The following LAMA2 variants were observed in gnomAD, a reference collection of about 807,000 sequenced individuals.
LAMA2 encodes the protein laminin subunit alpha-2.
In LAMA2, 269 loss-of-function variants were observed where a neutral mutation model predicts 364.8. The observed-to-expected ratio is 0.74, with a 90% CI of 0.67 to 0.82. LAMA2 has a LOEUF of 0.82. LAMA2 is among the 40% of genes least tolerant of loss of function. The pLI, the probability that LAMA2 is intolerant of heterozygous loss-of-function variation, is 0.00. For missense variants in LAMA2, 3,807 were observed against 3,873.2 expected (o/e 0.98, Z 0.45); for synonymous variants, 1,379 against 1,370.6 (o/e 1.01, Z -0.14).
intron 27 of LAMA2, among the ~76,000 whole-genome samples, chr6:129,320,237 G>A (rs1041945102): frequency 9.9e-5 from 15 of 152,080 alleles, no homozygotes; most frequent in East Asian, 9.6e-4. Flanking sequence ...CTTCATCCTC[G>A]TTGTCTTCAT....
At chr6:128,929,738 C>A in intron 1 of LAMA2, 1 of 1,248,122 alleles carries the variant, frequency 8.0e-7, no homozygotes, top group Non-Finnish European at 1.2e-6. Flanking sequence ...AATTCTTGTA[C>A]CAATCGTAGC....
Position 129,401,232 on chromosome 6 carries a change from G to T in LAMA2, c.5454G>T (p.Lys1818Asn). Residue 1818 changes from lysine (K) to asparagine (N), a missense_variant, in exon 38 of 65, where the codon AAG becomes AAT. Lys to Asn is a moderately conservative substitution (Grantham distance 94). Transcript: ENST00000421865. ...QKNMTALEKK[K>N]EAVESGKRQI... Reference sequence around the variant, plus strand: ...TTCATAATGGTCTACAGAAAAAGAAGGAGGCTGTTGAAAGCGGCAAACGAC... The same window carrying T: ...TTCATAATGGTCTACAGAAAAAGAATGAGGCTGTTGAAAGCGGCAAACGAC... 1 of 1,588,648 alleles carries T rather than the reference G, an allele frequency of 6.3e-7. No individual in the cohort carries two copies. The highest frequency in any genetic ancestry group is 8.6e-7 in the Non-Finnish European group (1 of 1,157,392).
intron 1 of LAMA2, among the ~76,000 whole-genome samples, chr6:128,908,191 A>G (rs1403185328): frequency 6.7e-6 from 1 of 148,822 alleles, no homozygotes; most frequent in Admixed American, 6.7e-5. Context: ...TATTGATTGG[A>G]ATAGTTTCAG....
intron 1 of LAMA2, among the ~76,000 whole-genome samples, chr6:128,975,926 T>G (rs1782502221): frequency 1.3e-5 from 2 of 149,190 alleles, no homozygotes; most frequent in Admixed American, 6.7e-5. Context: ...TGGGGAGAGG[T>G]AAAGTTGAAA....
At chr6:129,431,325 G>A (rs1781580486) in intron 41 of LAMA2, among the ~76,000 whole-genome samples, 1 of 151,496 alleles carries the variant, frequency 6.6e-6, no homozygotes, top group African/African-American at 2.4e-5. Context: ...CTGGAACCCA[G>A]GATACGGAGG....
intron 18 of LAMA2, among the ~76,000 whole-genome samples, chr6:129,286,997 G>GA (rs1434714988): frequency 1.1e-5 from 1 of 93,610 alleles, no homozygotes; most frequent in Non-Finnish European, 2.0e-5. Context: ...GGAAGGAAGG[G>GA]AGGAAAGAGG....
intron 41 of LAMA2, 136 bp from the exon 42 acceptor site, chr6:129,438,510 A>G: frequency 1.7e-6 from 1 of 576,838 alleles, no homozygotes; most frequent in Non-Finnish European, 3.1e-6. Context: ...ATATTTATGT[A>G]TAGATGCCAA....
chr6:129,195,574 T>C (rs1326909162), intron 12 of LAMA2, among the ~76,000 whole-genome samples: 2 of 152,166 alleles, frequency 1.3e-5, no homozygotes, highest in Admixed American at 6.5e-5. Flanking sequence ...TCCAATTTTT[T>C]CCCCTATGTA....
chr6:129,329,699 C>T (rs1775516029), intron 29 of LAMA2, among the ~76,000 whole-genome samples: 1 of 152,140 alleles, frequency 6.6e-6, no homozygotes, highest in Non-Finnish European at 1.5e-5. Context: ...CTTCATTCCC[C>T]TGAGTCTGAA....
At chr6:129,480,956 A>AAAC (rs199971979) in intron 54 of LAMA2, among the ~76,000 whole-genome samples, 1 of 130,328 alleles carries the variant, frequency 7.7e-6, no homozygotes, top group Non-Finnish European at 1.6e-5. Context: ...TCTTTGGTTT[A>AAAC]AACAACAACA....
intron 1 of LAMA2, among the ~76,000 whole-genome samples, chr6:128,926,058 G>C (rs981417494): frequency 6.6e-6 from 1 of 152,108 alleles, no homozygotes; most frequent in Non-Finnish European, 1.5e-5. Context: ...TGTTTCACCA[G>C]ATCTAGGATT....
chr6:128,964,730 T>A (rs928445258), intron 1 of LAMA2, among the ~76,000 whole-genome samples: 1 of 152,064 alleles, frequency 6.6e-6, no homozygotes, highest in Non-Finnish European at 1.5e-5. Flanking sequence ...ATCAAAGTCA[T>A]CTTTATTTAA....
intron 48 of LAMA2, among the ~76,000 whole-genome samples, chr6:129,458,434 C>A (rs1783079865): frequency 6.6e-6 from 1 of 151,982 alleles, no homozygotes; most frequent in African/African-American, 2.4e-5. Context: ...AATTTCAAGA[C>A]TACTGCCACA....
rs767013359 is a variant in LAMA2, at chr6:129,205,493, TACACACACACACACACACACAC to T, written c.1782+12659_1782+12680del. On this transcript the variant is annotated intron_variant, in intron 12 of 64. Transcript: ENST00000421865. ...TATTCTGTAAGTATATATATATATA[TACACACACACACACACACACAC>T]ACACACACACACACACACGTGTGTG... Among the ~76,000 whole-genome samples, 268 of 104,268 alleles carry T rather than the reference TACACACACACACACACACACAC, an allele frequency of 2.6e-3. 5 individuals are homozygous for T. Among genetic ancestry groups the T allele is most frequent in the African/African-American group, 7.0e-3 (127 of 18,214 alleles). The allele number at this position is 104,268 out of a possible 152,430, so 68.4% of individuals were successfully genotyped here. A position where few individuals can be genotyped will look rare whatever the true frequency, so the allele number is the denominator to read the frequency against.
intron 2 of LAMA2, among the ~76,000 whole-genome samples, chr6:129,052,717 A>G (rs868347200): frequency 4.0e-5 from 6 of 151,894 alleles, no homozygotes; most frequent in African/African-American, 1.2e-4. Context: ...ATAATGATAT[A>G]TATCTACCAT....
intron 16 of LAMA2, among the ~76,000 whole-genome samples, chr6:129,269,976 C>CA (rs1326193605): frequency 6.6e-6 from 1 of 151,956 alleles, no homozygotes; most frequent in Non-Finnish European, 1.5e-5. Context: ...AATACATATC[C>CA]ACATTTAGTT....
At chr6:128,909,721 C>A (rs1489896641) in intron 1 of LAMA2, among the ~76,000 whole-genome samples, 1 of 151,708 alleles carries the variant, frequency 6.6e-6, no homozygotes, top group Non-Finnish European at 1.5e-5. Flanking sequence ...GATGCAGTTT[C>A]TTCCTAGTCT....
intron 1 of LAMA2, among the ~76,000 whole-genome samples, chr6:128,984,986 C>T (rs1325988702): frequency 1.3e-5 from 2 of 152,136 alleles, no homozygotes; most frequent in African/African-American, 4.8e-5. Flanking sequence ...CTTGGTATGT[C>T]TAAGATACGT....
At chr6:128,895,463 T>A (rs1244292399) in intron 1 of LAMA2, among the ~76,000 whole-genome samples, 4 of 127,944 alleles carry the variant, frequency 3.1e-5, no homozygotes, top group Non-Finnish European at 4.8e-5. Flanking sequence ...AAACCCTGTC[T>A]CTACTAAAAA....
Sources: gnomAD v4.1 joint callset for allele counts (sites outside exome capture counted in the v4.1 genomes callset) on GRCh38, gnomAD v4.1.1 for gene constraint, MANE v1.5 for transcripts, NCBI Gene and HGNC (gene_info 2026-07-23, HGNC 2026-07-21) for gene names.